TRAF3IP1: variants seen among roughly 807,000 people sequenced by gnomAD.
TRAF3IP1 encodes the protein intraflagellar transport 54.
Under a neutral mutation model 89.9 loss-of-function variants are expected in TRAF3IP1, and 53 were observed. The observed-to-expected ratio is 0.59, with a 90% CI of 0.47 to 0.74. TRAF3IP1 has a LOEUF of 0.74. TRAF3IP1 is among the 30% of genes least tolerant of loss of function. The pLI is 0.00. For synonymous variants in TRAF3IP1, 311 were observed against 322.1 expected (o/e 0.97, Z 0.37); for missense variants, 806 against 866.1 (o/e 0.93, Z 0.87).
chr2:238,347,481 G>A lies in TRAF3IP1; in HGVS notation c.1282+6G>A. The A allele has an allele frequency of 6.2e-7, 1 of 1,614,084 alleles. No individual in the cohort carries two copies. The highest frequency in any genetic ancestry group is 8.5e-7 in the Non-Finnish European group (1 of 1,180,000). ...TGACTCCACCAGTGATGCAGGTGAG[G>A]AATGGCCTTAGATACCTGTGTGTCA... On this transcript the variant is annotated splice_donor_region_variant and intron_variant, in intron 10 of 16. Transcript: ENST00000373327.
rs1456567875 is a variant in TRAF3IP1 at position 238,379,499 on chromosome 2, G to A, written c.1690-17960G>A. ...GCGGCAGCGTGGTGCCATCACTTGGGTATTTGGAACTTGACCATCCTGTAT... is the reference window on the plus strand; with the variant it reads ...GCGGCAGCGTGGTGCCATCACTTGGATATTTGGAACTTGACCATCCTGTAT... On this transcript the variant is annotated intron_variant, in intron 15 of 16. Coordinates refer to ENST00000373327, the MANE Select transcript of TRAF3IP1 (RefSeq NM_015650.4). This position sits in a 1 kb window ranked among gnomAD's most constrained non-coding sequence, Gnocchi z 4.0. 6.6e-6 allele frequency among the ~76,000 whole-genome samples: 1 copy of A among 152,230 alleles called. No individual in the cohort carries two copies. Among genetic ancestry groups the A allele is most frequent in the African/African-American group, 2.4e-5 (1 of 41,466 alleles).
chr2:238,325,505 A>G, intron 2 of TRAF3IP1, 131 bp downstream of exon 2: 2 of 867,908 alleles, frequency 2.3e-6, no homozygotes, highest in Admixed American at 2.2e-5. Flanking sequence ...GAATTCGTAA[A>G]TTGATATATA....
At chr2:238,380,253 G>A (rs868118148) in intron 15 of TRAF3IP1, among the ~76,000 whole-genome samples, 67 of 152,234 alleles carry the variant, frequency 4.4e-4, no homozygotes, top group African/African-American at 1.6e-3. Flanking sequence ...GATCCCTACG[G>A]TGCCTTCCAG....
Position 238,351,115 on chromosome 2 carries a change from T to C in TRAF3IP1, c.1451+1707T>C, listed in dbSNP as rs1421791660. Among the ~76,000 whole-genome samples the C allele has an allele frequency of 1.3e-5, 2 of 151,902 alleles. No individual in the cohort carries two copies. The highest frequency in any genetic ancestry group is 4.8e-5 in the African/African-American group (2 of 41,328). ...AGGAGTGGGGCGCTTGGATTTGAGG[T>C]TGGAGCTTGCTGTTAGTGGTAGTGA... On this transcript the variant is annotated intron_variant, in intron 12 of 16. Transcript: ENST00000373327. The surrounding 1 kb of genome is among the most constrained non-coding windows in gnomAD (Gnocchi z 5.2).
chr2:238,397,478 C>A lies in TRAF3IP1; in HGVS notation c.1709C>A (p.Ser570Ter). 2 of 1,612,760 alleles carry A rather than the reference C, an allele frequency of 1.2e-6. No individual in the cohort carries two copies. The highest frequency in any genetic ancestry group is 2.2e-5 in the South Asian group (2 of 91,004). ...PGEKERSLFE[S>*]AWKKEKDIVS... The stretch of plus-strand genomic sequence containing the variant: ...CTGTAGGAGCGATCTCTCTTTGAGT[C>A]GGCATGGAAGAAGGAGAAGGACATC... Residue 570 changes from serine to a stop codon, truncating the protein, a stop_gained, in exon 16 of 17, where the codon TCG (serine) becomes TAG (stop). Transcript: ENST00000373327. LOFTEE classifies it high-confidence loss of function.
intron 15 of TRAF3IP1, among the ~76,000 whole-genome samples, chr2:238,386,268 G>T (rs1700762866): frequency 6.6e-6 from 1 of 152,104 alleles, no homozygotes; most frequent in Non-Finnish European, 1.5e-5. Flanking sequence ...GTTACAGCAG[G>T]CTGTGTCAGC....
intron 8 of TRAF3IP1, among the ~76,000 whole-genome samples, chr2:238,340,251 G>A (rs1698577255): frequency 6.6e-6 from 1 of 152,204 alleles, no homozygotes; most frequent in African/African-American, 2.4e-5. Context: ...GGAATTCAGA[G>A]TTTGCTGGCA....
rs559564353 is a variant in TRAF3IP1 at position 238,321,138 on chromosome 2, C to T, written c.123+353C>T. On this transcript the variant is annotated intron_variant, in intron 1 of 16. Transcript: ENST00000373327. ...CCCTCCGTGAGGAGGTCCTGCCCCT[C>T]CCCCGGCTCCGGGCCGCCGCTTACA... 2.9e-3 allele frequency among the ~76,000 whole-genome samples: 445 copies of T among 152,250 alleles called. 4 individuals carry two copies. Among genetic ancestry groups the T allele is most frequent in the African/African-American group, 0.01 (419 of 41,550 alleles).
In TRAF3IP1 at chr2:238,399,797, A is replaced by G. The variant is rs571026195; in HGVS notation, c.*878A>G. ...ACAGGCAGCTTAGGAAAAACAACAT[A>G]AGGAAGACTTAAAAGGATGCACTGA... is the stretch of plus-strand genomic sequence containing the variant. On this transcript the variant is annotated 3_prime_UTR_variant, in exon 17 of 17. Coordinates refer to ENST00000373327, the MANE Select transcript of TRAF3IP1 (RefSeq NM_015650.4). 17 of 152,262 alleles carry G rather than the reference A, an allele frequency of 1.1e-4. No homozygotes were observed. The highest frequency in any genetic ancestry group is 4.1e-4 in the African/African-American group (17 of 41,558). 9.4% of individuals were successfully genotyped at this position (152,262 alleles called of 1,614,324 possible).
chr2:238,391,065 C>T (rs1477120562), intron 15 of TRAF3IP1, among the ~76,000 whole-genome samples: 2 of 152,290 alleles, frequency 1.3e-5, no homozygotes, highest in South Asian at 4.1e-4. Flanking sequence ...GGCAATCCTC[C>T]CTGCTTAGCC....
intron 15 of TRAF3IP1, among the ~76,000 whole-genome samples, chr2:238,378,353 A>G (rs1307024873): frequency 6.6e-6 from 1 of 152,256 alleles, no homozygotes; most frequent in Non-Finnish European, 1.5e-5. Flanking sequence ...TTCACCAGCC[A>G]TCTGGCACCT....
At chr2:238,398,309 G>A (rs1308825549) in intron 16 of TRAF3IP1, among the ~76,000 whole-genome samples, 2 of 111,102 alleles carry the variant, frequency 1.8e-5, no homozygotes, top group Non-Finnish European at 3.6e-5. Context: ...GGGGGAGGAG[G>A]CCCTGCAGCA....
intron 15 of TRAF3IP1, among the ~76,000 whole-genome samples, chr2:238,366,185 T>C (rs1028670918): frequency 3.3e-5 from 5 of 151,356 alleles, no homozygotes; most frequent in African/African-American, 1.2e-4. Flanking sequence ...TGAGCAGAGA[T>C]CGCGCGCGCC....
intron 3 of TRAF3IP1, among the ~76,000 whole-genome samples, chr2:238,327,608 G>A (rs1697902707): frequency 6.6e-6 from 1 of 152,082 alleles, no homozygotes; most frequent in African/African-American, 2.4e-5. Context: ...CATAAAATTT[G>A]CCATCTTAAC....
rs190546619 is a variant in TRAF3IP1 at position 238,385,077 on chromosome 2, G to A, written c.1690-12382G>A. On this transcript the variant is annotated intron_variant, in intron 15 of 16. Coordinates refer to ENST00000373327, the MANE Select transcript of TRAF3IP1 (RefSeq NM_015650.4). ...GTCCCCCAGGCTGGAGTGCAATGGT[G>A]CGATCTCGGCTCACTGCAATCTCCG... is the stretch of plus-strand genomic sequence containing the variant. 2.8e-3 allele frequency among the ~76,000 whole-genome samples: 425 copies of A among 151,862 alleles called. 6 individuals are homozygous for A. The highest frequency in any genetic ancestry group is 3.6e-3 in the Non-Finnish European group (245 of 67,946).
At chr2:238,396,544 TAAAAA>T (rs112286282) in intron 15 of TRAF3IP1, among the ~76,000 whole-genome samples, 2 of 142,342 alleles carry the variant, frequency 1.4e-5, no homozygotes, top group Middle Eastern at 3.3e-3. Flanking sequence ...ATAAAAAAAT[TAAAAA>T]AAAAAAGGAA....
chr2:238,374,067 C>T (rs1293314135), intron 15 of TRAF3IP1, among the ~76,000 whole-genome samples: 2 of 152,200 alleles, frequency 1.3e-5, no homozygotes, highest in African/African-American at 4.8e-5. Context: ...ACCATCATGT[C>T]ATCTGCAAAC....
At chr2:238,358,595 A>G (rs1270335923) in intron 15 of TRAF3IP1, among the ~76,000 whole-genome samples, 1 of 152,158 alleles carries the variant, frequency 6.6e-6, no homozygotes, top group Non-Finnish European at 1.5e-5. Flanking sequence ...TGTTCCCCCG[A>G]GGGCAGTCCC....
chr2:238,331,169 T>C (rs1180930020), intron 5 of TRAF3IP1, among the ~76,000 whole-genome samples: 2 of 151,924 alleles, frequency 1.3e-5, no homozygotes, highest in Non-Finnish European at 2.9e-5. Flanking sequence ...AAAGAAATTC[T>C]TAGAGGCTCG....
Sources: gnomAD v4.1 joint callset for allele counts (sites outside exome capture counted in the v4.1 genomes callset) on GRCh38, gnomAD v4.1.1 for gene constraint, Gnocchi (gnomAD v3.1) non-coding constraint, MANE v1.5 for transcripts, NCBI Gene and HGNC (gene_info 2026-07-23, HGNC 2026-07-21) for gene names.